Variants in RCSD1 observed in about 807,000 individuals in gnomAD.
The protein encoded by RCSD1 is RCSD domain containing 1.
Under a neutral mutation model 42.5 loss-of-function variants are expected in RCSD1, and 26 were observed. The ratio of observed to expected loss-of-function variants is 0.61; its 90% CI spans 0.45 to 0.85. RCSD1 has a LOEUF of 0.85. Among genes scored for constraint, RCSD1 ranks in the 40% least tolerant of loss-of-function variants. The pLI is 0.00. For synonymous variants in RCSD1, 220 were observed against 212.2 expected (o/e 1.04, Z -0.32); for missense variants, 571 against 528.3 (o/e 1.08, Z -0.79).
Position 167,697,262 on chromosome 1 carries a change from C to A in RCSD1, c.638C>A (p.Ala213Asp), listed in dbSNP as rs558631053. The A allele has an allele frequency of 6.2e-7, 1 of 1,614,114 alleles. No individual in the cohort carries two copies. Among genetic ancestry groups the A allele is most frequent in the East Asian group, 2.2e-5 (1 of 44,850 alleles). ...GAAGTGTTGCCATCCAAGAGCAAGGCCCCAGGATCCCCTTTGTCCAGTGAG... is the reference window on the plus strand; with the variant it reads ...GAAGTGTTGCCATCCAAGAGCAAGGACCCAGGATCCCCTTTGTCCAGTGAG... ...GDEVLPSKSK[A>D]PGSPLSSEGA... Residue 213 changes from alanine (A) to aspartate (D), a missense_variant, in exon 6 of 7, where the codon GCC becomes GAC. Transcript: ENST00000367854.
At chr1:167,655,479 C>T (rs746675240) in intron 1 of RCSD1, among the ~76,000 whole-genome samples, 4 of 152,188 alleles carry the variant, frequency 2.6e-5, no homozygotes, top group Non-Finnish European at 4.4e-5. Flanking sequence ...CAGAGCTCGT[C>T]ACATAATCAG....
chr1:167,697,967 G>T, intron 6 of RCSD1, 125 bp downstream of exon 6: 2 of 1,214,666 alleles, frequency 1.6e-6, no homozygotes, highest in Non-Finnish European at 2.1e-6. Context: ...AAGGTGCCAG[G>T]CTCCTGCCTC....
chr1:167,671,698 A>G (rs1324155080), intron 1 of RCSD1, among the ~76,000 whole-genome samples: 1 of 152,086 alleles, frequency 6.6e-6, no homozygotes, highest in Non-Finnish European at 1.5e-5. Context: ...CAGGCCACAC[A>G]TGTCTTACCC....
intron 1 of RCSD1, among the ~76,000 whole-genome samples, chr1:167,671,347 C>T (rs920506271): frequency 6.6e-6 from 1 of 152,222 alleles, no homozygotes; most frequent in African/African-American, 2.4e-5. Flanking sequence ...GCTAACAATT[C>T]TAAATCAAGG....
rs1659763364 is a variant in RCSD1 at position 167,706,662 on chromosome 1, T to C, written c.*1966T>C. Among the ~76,000 whole-genome samples the C allele has an allele frequency of 6.6e-6, 1 of 152,204 alleles. No homozygotes were observed. Reference sequence around the variant, plus strand: ...ATACCTTTCTATCCCCCAAGTCTCCTGTTAGTCACATTATTTGGTGTATTT... The same window carrying C: ...ATACCTTTCTATCCCCCAAGTCTCCCGTTAGTCACATTATTTGGTGTATTT... On this transcript the variant is annotated 3_prime_UTR_variant, in exon 7 of 7. Transcript: ENST00000367854.
intron 1 of RCSD1, among the ~76,000 whole-genome samples, chr1:167,677,133 T>G (rs1658971564): frequency 6.6e-6 from 1 of 152,240 alleles, no homozygotes; most frequent in Admixed American, 6.5e-5. Context: ...CTTGTTTCAA[T>G]TCCTCTACCT....
At chr1:167,701,394 C>T (rs1407854572) in intron 6 of RCSD1, among the ~76,000 whole-genome samples, 1 of 151,776 alleles carries the variant, frequency 6.6e-6, no homozygotes, top group Non-Finnish European at 1.5e-5. Flanking sequence ...CAAACTCTGC[C>T]TCCCAGGTTC....
intron 1 of RCSD1, among the ~76,000 whole-genome samples, chr1:167,638,853 G>A (rs933311948): frequency 2.6e-5 from 4 of 152,156 alleles, no homozygotes; most frequent in African/African-American, 9.7e-5. Context: ...TTTTAAAGAT[G>A]ACGAAATTGA....
chr1:167,693,412 C>G (rs1171296276), intron 4 of RCSD1, among the ~76,000 whole-genome samples: 1 of 152,232 alleles, frequency 6.6e-6, no homozygotes, highest in African/African-American at 2.4e-5. Context: ...CATTTGGCTG[C>G]CTTTCATTTT....
intron 6 of RCSD1, among the ~76,000 whole-genome samples, chr1:167,703,036 ATTCTTTTC>A (rs1659679980): frequency 1.3e-5 from 2 of 152,290 alleles, no homozygotes; most frequent in East Asian, 1.9e-4. Flanking sequence ...TTGATTTGAA[ATTCTTTTC>A]TCCCTGAGCT....
chr1:167,677,298 A>T (rs368993142), intron 1 of RCSD1, among the ~76,000 whole-genome samples: 1 of 152,190 alleles, frequency 6.6e-6, no homozygotes, highest in East Asian at 1.9e-4. Flanking sequence ...GACAATGTGG[A>T]TGGGGCACGC....
At chr1:167,702,543 C>T (rs1466292284) in intron 6 of RCSD1, among the ~76,000 whole-genome samples, 2 of 152,218 alleles carry the variant, frequency 1.3e-5, no homozygotes, top group African/African-American at 2.4e-5. Flanking sequence ...CTTTGGGAGG[C>T]TGAGGCGGGC....
At chr1:167,677,115 A>T (rs1212090572) in intron 1 of RCSD1, among the ~76,000 whole-genome samples, 1 of 152,192 alleles carries the variant, frequency 6.6e-6, no homozygotes, top group African/African-American at 2.4e-5. Context: ...TGTATTTGTT[A>T]ATATATGCTT....
intron 1 of RCSD1, among the ~76,000 whole-genome samples, chr1:167,632,379 T>G (rs1657725370): frequency 6.6e-6 from 1 of 152,154 alleles, no homozygotes; most frequent in African/African-American, 2.4e-5. Context: ...GAGGGCCAAA[T>G]GCAAGTGTCA....
chr1:167,655,080 G>T (rs1227327845), intron 1 of RCSD1, among the ~76,000 whole-genome samples: 2 of 152,148 alleles, frequency 1.3e-5, no homozygotes, highest in Non-Finnish European at 2.9e-5. Flanking sequence ...AGGGCCTCTT[G>T]TTTCCGAAGC....
intron 3 of RCSD1, among the ~76,000 whole-genome samples, chr1:167,688,786 A>G (rs1659303081): frequency 6.6e-6 from 1 of 152,134 alleles, no homozygotes; most frequent in African/African-American, 2.4e-5. Context: ...CTTATTGTTC[A>G]GGAAAATTAG....
chr1:167,651,663 C>T (rs1356270632), intron 1 of RCSD1, among the ~76,000 whole-genome samples: 1 of 152,228 alleles, frequency 6.6e-6, no homozygotes, highest in African/African-American at 2.4e-5. Flanking sequence ...CACCTCCCTG[C>T]CTGTTCCCTG....
intron 1 of RCSD1, among the ~76,000 whole-genome samples, chr1:167,683,514 A>G (rs1201063192): frequency 6.6e-6 from 1 of 152,228 alleles, no homozygotes; most frequent in African/African-American, 2.4e-5. Context: ...TTTCAAGTTC[A>G]ATAAAGGGCA....
Position 167,706,006 on chromosome 1 carries a change from C to A in RCSD1, c.*1310C>A, listed in dbSNP as rs949629014. On this transcript the variant is annotated 3_prime_UTR_variant, in exon 7 of 7. Transcript: ENST00000367854. ...CTTCTGGAGGTCTGTTAGACTACAT[C>A]CTACACTGACTTCAGAAAACAGTCT... The A allele has an allele frequency of 1.3e-5, 2 of 152,176 alleles. No individual in the cohort carries two copies. The highest frequency in any genetic ancestry group is 2.9e-5 in the Non-Finnish European group (2 of 68,044). The allele number at this position is 152,176 out of a possible 1,614,324, so 9.4% of individuals were successfully genotyped here.
Sources: allele counts gnomAD v4.1 joint callset (sites outside exome capture counted in the v4.1 genomes callset), GRCh38; gene constraint gnomAD v4.1.1; transcripts MANE v1.5; gene names NCBI Gene and HGNC (gene_info 2026-07-23, HGNC 2026-07-21).